The following DYM variants were observed in gnomAD, a reference collection of about 807,000 sequenced individuals.
DYM encodes the protein dyggve-Melchior-Clausen syndrome protein.
Under a neutral mutation model 93.1 loss-of-function variants are expected in DYM, and 78 were observed. The observed-to-expected ratio is 0.84, with a 90% CI of 0.70 to 1.01. The LOEUF (loss-of-function observed/expected upper bound fraction) is 1.01. DYM is among the 50% of genes least tolerant of loss of function. DYM has a pLI of 0.00. For missense variants in DYM, 789 were observed against 845.0 expected (o/e 0.93, Z 0.82); for synonymous variants, 321 against 319.7 (o/e 1.00, Z -0.04).
chr18:49,057,889 C>T (rs1391829724), intron 17 of DYM, among the ~76,000 whole-genome samples: 1 of 152,224 alleles, frequency 6.6e-6, no homozygotes, highest in African/African-American at 2.4e-5. Context: ...TTAGTTACTT[C>T]ATCTATAAAC....
intron 8 of DYM, among the ~76,000 whole-genome samples, chr18:49,324,712 A>G (rs1216080317): frequency 6.6e-6 from 1 of 152,246 alleles, no homozygotes; most frequent in African/African-American, 2.4e-5. Context: ...TTTTCTGATC[A>G]TTAGCTGTTG....
intron 13 of DYM, among the ~76,000 whole-genome samples, chr18:49,238,536 G>A (rs1208989558): frequency 2.0e-5 from 3 of 151,918 alleles, no homozygotes; most frequent in Non-Finnish European, 4.4e-5. Context: ...TGTTGTATTA[G>A]TTCCCCTAAG....
intron 17 of DYM, among the ~76,000 whole-genome samples, chr18:49,084,693 T>C (rs1207613079): frequency 1.3e-5 from 2 of 152,218 alleles, no homozygotes; most frequent in Admixed American, 1.3e-4. Context: ...GAACTATTTA[T>C]GTAATGTAAT....
chr18:49,459,883 G>A (rs2083335767), intron 1 of DYM, among the ~76,000 whole-genome samples: 1 of 150,572 alleles, frequency 6.6e-6, no homozygotes, highest in Non-Finnish European at 1.5e-5. Flanking sequence ...GAGAGAAGGA[G>A]GAGTGACTGC....
intron 11 of DYM, among the ~76,000 whole-genome samples, chr18:49,265,778 C>CAAA (rs202068472): frequency 1.9e-5 from 1 of 53,130 alleles, no homozygotes; most frequent in Admixed American, 2.0e-4. Context: ...AACTCCATCT[C>CAAA]AAAAAAAAAA....
intron 1 of DYM, among the ~76,000 whole-genome samples, chr18:49,457,565 C>T (rs986777208): frequency 6.6e-6 from 1 of 152,136 alleles, no homozygotes; most frequent in Admixed American, 6.5e-5. Context: ...ATCTACAATC[C>T]TAAGTAAAAG....
chr18:49,399,274 T>G (rs1405115266), intron 2 of DYM, among the ~76,000 whole-genome samples: 2 of 152,122 alleles, frequency 1.3e-5, no homozygotes, highest in Non-Finnish European at 2.9e-5. Flanking sequence ...CTATTCTTCC[T>G]GAAGGGCCAA....
chr18:49,267,829 C>A (rs1356483361), intron 11 of DYM, among the ~76,000 whole-genome samples: 4 of 152,084 alleles, frequency 2.6e-5, no homozygotes, highest in Admixed American at 2.6e-4. Context: ...ACCCACGAGG[C>A]GGAGGTTGCA....
At chr18:49,334,213 T>C (rs2063510116) in intron 6 of DYM, among the ~76,000 whole-genome samples, 1 of 152,162 alleles carries the variant, frequency 6.6e-6, no homozygotes, top group Non-Finnish European at 1.5e-5. Context: ...CAGAGACAAA[T>C]ACTCAGATTG....
intron 3 of DYM, among the ~76,000 whole-genome samples, chr18:49,381,373 A>C (rs1472357224): frequency 3.3e-5 from 5 of 152,094 alleles, no homozygotes; most frequent in Non-Finnish European, 7.4e-5. Context: ...TGCCAAGCTC[A>C]CTCCCTGCTG....
At position 49,040,843 on chromosome 18, in the gene DYM, G is replaced by A. The variant is rs2143986758; in HGVS notation, c.*3212C>T. Among the ~76,000 whole-genome samples, 1 of 152,312 alleles carries A rather than the reference G, an allele frequency of 6.6e-6. No individual in the cohort carries two copies. Among genetic ancestry groups the A allele is most frequent in the Non-Finnish European group, 1.5e-5 (1 of 68,036 alleles). ...CCCTGGCTCCCGGAATCTAAAGGAC[G>A]AAATGTTGCTTAAAGTATGATATAT... On this transcript the variant is annotated 3_prime_UTR_variant, in exon 18 of 18. Coordinates refer to ENST00000675505, the MANE Select transcript of DYM (RefSeq NM_001353214.3).
At chr18:49,330,226 G>A (rs973939144) in intron 8 of DYM, among the ~76,000 whole-genome samples, 1 of 152,044 alleles carries the variant, frequency 6.6e-6, no homozygotes, top group Admixed American at 6.6e-5. Flanking sequence ...AATGTCTTGT[G>A]ACTATATAGC....
chr18:49,196,781 T>C (rs1012585964), intron 14 of DYM, among the ~76,000 whole-genome samples: 4 of 152,116 alleles, frequency 2.6e-5, no homozygotes, highest in African/African-American at 9.7e-5. Flanking sequence ...GCAAGGAAGA[T>C]ACATGTAACT....
At chr18:49,108,830 T>C (rs1316362137) in intron 16 of DYM, among the ~76,000 whole-genome samples, 1 of 152,238 alleles carries the variant, frequency 6.6e-6, no homozygotes, top group Non-Finnish European at 1.5e-5. Flanking sequence ...TCTCCAATTA[T>C]GGGTTTGTTT....
At chr18:49,258,537 C>T in intron 11 of DYM, 44 bp from the exon 12 acceptor site, 1 of 1,233,142 alleles carries the variant, frequency 8.1e-7, no homozygotes. Context: ...GATTGCTTTA[C>T]AGACAAAAGA....
chr18:49,098,917 A>C (rs1004522963), intron 16 of DYM, among the ~76,000 whole-genome samples: 2 of 152,232 alleles, frequency 1.3e-5, no homozygotes, highest in South Asian at 2.1e-4. Flanking sequence ...ATGAATACAC[A>C]AAATAAATGC....
chr18:49,133,213 A>C (rs1044717378), intron 15 of DYM, among the ~76,000 whole-genome samples: 1 of 152,192 alleles, frequency 6.6e-6, no homozygotes, highest in African/African-American at 2.4e-5. Context: ...AGAGTCTTAA[A>C]AAATGTGAAG....
At chr18:49,199,745 C>G (rs2091847924) in intron 14 of DYM, among the ~76,000 whole-genome samples, 1 of 152,230 alleles carries the variant, frequency 6.6e-6, no homozygotes, top group Non-Finnish European at 1.5e-5. Flanking sequence ...CAAGACCATT[C>G]CAGCAATTTT....
intron 13 of DYM, among the ~76,000 whole-genome samples, chr18:49,227,499 A>T (rs951432266): frequency 2.0e-5 from 3 of 152,190 alleles, no homozygotes; most frequent in African/African-American, 7.2e-5. Flanking sequence ...TTAAGTCATT[A>T]TCAGAAGACC....
Sources: allele counts gnomAD v4.1 joint callset (sites outside exome capture counted in the v4.1 genomes callset), GRCh38; gene constraint gnomAD v4.1.1; transcripts MANE v1.5; gene names NCBI Gene and HGNC (gene_info 2026-07-23, HGNC 2026-07-21).